The following ABCC4 variants were observed in gnomAD, a reference collection of about 807,000 sequenced individuals.
ABCC4 encodes the protein ATP-binding cassette sub-family C member 4.
Under a neutral mutation model 168.5 loss-of-function variants are expected in ABCC4, and 102 were observed. That is an observed-to-expected ratio of 0.61 (90% CI 0.52 to 0.71). The LOEUF (loss-of-function observed/expected upper bound fraction) is 0.71. ABCC4 is among the 30% of genes least tolerant of loss of function. ABCC4 has a pLI of 0.00. For synonymous variants in ABCC4, 617 were observed against 590.7 expected (o/e 1.04, Z -0.65); for missense variants, 1,402 against 1,605.8 (o/e 0.87, Z 2.17).
chr13:95,044,850 T>C (rs906921408), intron 27 of ABCC4, among the ~76,000 whole-genome samples: 1 of 152,038 alleles, frequency 6.6e-6, no homozygotes, highest in Non-Finnish European at 1.5e-5. Context: ...AGAGAGACAA[T>C]AAGAGTGATG....
chr13:95,278,484 T>C (rs955428129), intron 1 of ABCC4, among the ~76,000 whole-genome samples: 1 of 152,060 alleles, frequency 6.6e-6, no homozygotes, highest in Admixed American at 6.6e-5. Flanking sequence ...AAGGCAGAGG[T>C]TCCCAGGAGG....
At chr13:95,119,121 T>G (rs2035476459) in intron 19 of ABCC4, among the ~76,000 whole-genome samples, 1 of 152,118 alleles carries the variant, frequency 6.6e-6, no homozygotes, top group Non-Finnish European at 1.5e-5. Flanking sequence ...TCAGGATATA[T>G]CCCATGACTA....
intron 19 of ABCC4, among the ~76,000 whole-genome samples, chr13:95,134,347 G>A (rs758930159): frequency 1.3e-5 from 2 of 152,144 alleles, no homozygotes; most frequent in Admixed American, 1.3e-4. Flanking sequence ...AATACATAAC[G>A]GGATCAAGGG....
At chr13:95,237,706 C>G (rs558833959) in intron 3 of ABCC4, among the ~76,000 whole-genome samples, 1 of 152,092 alleles carries the variant, frequency 6.6e-6, no homozygotes, top group Non-Finnish European at 1.5e-5. Flanking sequence ...CTAGGCCCAG[C>G]GGGCACGCGG....
At chr13:95,044,807 C>T (rs2032509315) in intron 27 of ABCC4, among the ~76,000 whole-genome samples, 1 of 152,102 alleles carries the variant, frequency 6.6e-6, no homozygotes, top group Non-Finnish European at 1.5e-5. Flanking sequence ...AAAAAAAATT[C>T]CCTTCTTTTT....
intron 1 of ABCC4, among the ~76,000 whole-genome samples, chr13:95,297,477 A>C (rs988189554): frequency 1.4e-4 from 22 of 152,168 alleles, no homozygotes; most frequent in Non-Finnish European, 2.8e-4. Flanking sequence ...CCAGTTCACA[A>C]GTTCAGAAAG....
chr13:95,286,154 C>G (rs1190889720), intron 1 of ABCC4, among the ~76,000 whole-genome samples: 2 of 73,274 alleles, frequency 2.7e-5, no homozygotes, highest in Non-Finnish European at 5.7e-5. Flanking sequence ...GAGTCTCACT[C>G]TGTCACCCAG....
chr13:95,075,236 G>T, intron 22 of ABCC4, 196 bp downstream of exon 22: 1 of 630,714 alleles, frequency 1.6e-6, no homozygotes, highest in Non-Finnish European at 2.7e-6. Flanking sequence ...CACAAAGAGG[G>T]AACGTGCAGC....
intron 3 of ABCC4, among the ~76,000 whole-genome samples, chr13:95,239,758 G>T (rs574837818): frequency 6.8e-6 from 1 of 146,272 alleles, no homozygotes; most frequent in East Asian, 2.3e-4. Context: ...TTTGAAAATC[G>T]GTTTTAAAAA....
At chr13:95,206,906 A>T (rs3818495) in intron 7 of ABCC4, 125 bp from the exon 8 acceptor site, 652,811 of 1,059,256 alleles carry the variant, frequency 0.62, 205,305 homozygotes, top group Non-Finnish European at 0.65. Context: ...GTTTGAGACC[A>T]TCCTGGGCAA....
At chr13:95,174,929 A>G (rs1469204468) in intron 13 of ABCC4, among the ~76,000 whole-genome samples, 1 of 152,246 alleles carries the variant, frequency 6.6e-6, no homozygotes, top group Non-Finnish European at 1.5e-5. Flanking sequence ...GGTTGTGGAA[A>G]AATAGACAAG....
intron 1 of ABCC4, among the ~76,000 whole-genome samples, chr13:95,287,347 G>C (rs1229317664): frequency 6.6e-6 from 1 of 151,880 alleles, no homozygotes; most frequent in Non-Finnish European, 1.5e-5. Context: ...CCAGCACTTT[G>C]GGAGGCTAAG....
intron 20 of ABCC4, among the ~76,000 whole-genome samples, chr13:95,084,678 T>TAAA (rs1594069920): frequency 6.6e-6 from 1 of 152,202 alleles, no homozygotes; most frequent in Non-Finnish European, 1.5e-5. Flanking sequence ...GCATTAAATT[T>TAAA]TCCACGATTA....
rs2038761641 is a variant in ABCC4 at position 95,205,774 on chromosome 13, G to A, written c.1161+758C>T. Among the ~76,000 whole-genome samples, 3 of 152,208 alleles carry A rather than the reference G, an allele frequency of 2.0e-5. No homozygotes were observed. The South Asian group carries it at 6.2e-4, about 31-fold the overall frequency. On this transcript the variant is annotated intron_variant, in intron 8 of 30. Transcript: ENST00000645237. The stretch of plus-strand genomic sequence containing the variant: ...GTCGCTACGGCAGAGCCCTCCTGAA[G>A]GGGATTAGTGTCCTTACAGAAGGCT...
chr13:95,159,100 T>A (rs1252076120), intron 19 of ABCC4, among the ~76,000 whole-genome samples: 21 of 64,244 alleles, frequency 3.3e-4, no homozygotes, highest in African/African-American at 1.8e-3. Context: ...ATTTTATATA[T>A]ATATATATAT....
intron 20 of ABCC4, among the ~76,000 whole-genome samples, chr13:95,105,400 A>C (rs1273076275): frequency 2.0e-5 from 3 of 152,156 alleles, no homozygotes; most frequent in African/African-American, 7.2e-5. Flanking sequence ...TGGATTAGTC[A>C]ACAAGAGTAG....
intron 20 of ABCC4, among the ~76,000 whole-genome samples, chr13:95,086,220 T>C (rs979793272): frequency 2.6e-5 from 4 of 151,980 alleles, no homozygotes; most frequent in Non-Finnish European, 5.9e-5. Context: ...CTTTAAAAAG[T>C]CTTAAAATAT....
At chr13:95,268,036 G>A (rs2040730930) in intron 1 of ABCC4, among the ~76,000 whole-genome samples, 1 of 152,200 alleles carries the variant, frequency 6.6e-6, no homozygotes, top group Admixed American at 6.5e-5. Flanking sequence ...GGAGAAGAAA[G>A]AGAGATCAGA....
At chr13:95,030,044 G>A (rs866121271) in intron 30 of ABCC4, among the ~76,000 whole-genome samples, 8 of 139,444 alleles carry the variant, frequency 5.7e-5, no homozygotes, top group East Asian at 2.1e-4. Flanking sequence ...TTTTTGAGAC[G>A]GAGTCTTGCT....
Sources: allele counts gnomAD v4.1 joint callset (sites outside exome capture counted in the v4.1 genomes callset), GRCh38; gene constraint gnomAD v4.1.1; transcripts MANE v1.5; gene names NCBI Gene and HGNC (gene_info 2026-07-23, HGNC 2026-07-21).